Variants in RGS9 observed in about 807,000 individuals in gnomAD.
RGS9 encodes regulator of G-protein signalling 9.
In RGS9, 78 loss-of-function variants were observed where a neutral mutation model predicts 102.0. That is an observed-to-expected ratio of 0.76 (90% confidence interval 0.64 to 0.92). RGS9 has a LOEUF of 0.92. Ranked by LOEUF, RGS9 falls within the 40% of genes least tolerant of loss-of-function variation. RGS9 has a pLI of 0.00. For missense variants in RGS9, 833 were observed against 866.1 expected (o/e 0.96, Z 0.48); for synonymous variants, 353 against 318.6 (o/e 1.11, Z -1.15).
chr17:65,212,025 T>G (rs1238882550), intron 17 of RGS9, among the ~76,000 whole-genome samples: 1 of 152,082 alleles, frequency 6.6e-6, no homozygotes, highest in Non-Finnish European at 1.5e-5. Context: ...GTGAGATGAG[T>G]TTTCTCTGCT....
Position 65,210,468 on chromosome 17 carries a change from C to A in RGS9, c.1290-20C>A. On this transcript the variant is annotated intron_variant, in intron 16 of 18. Transcript: ENST00000262406. ...AGCTGTGTCATTTTCCTCCAACCAC[C>A]AATCTGTCCTTCCTTCCAGCTCCAC... The A allele has an allele frequency of 5.0e-6, 8 of 1,612,456 alleles. No homozygotes were observed. Among genetic ancestry groups the A allele is most frequent in the Non-Finnish European group, 6.8e-6 (8 of 1,179,826 alleles).
intron 15 of RGS9, among the ~76,000 whole-genome samples, chr17:65,206,902 T>A (rs16961234): frequency 0.087 from 13,227 of 152,214 alleles, 800 homozygotes; most frequent in African/African-American, 0.15. Context: ...CTAGACTCTA[T>A]CCTAGTTCTC....
At chr17:65,143,426 G>T (rs1349671772) in intron 1 of RGS9, among the ~76,000 whole-genome samples, 1 of 152,180 alleles carries the variant, frequency 6.6e-6, no homozygotes, top group Non-Finnish European at 1.5e-5. Flanking sequence ...GAAGAGATGT[G>T]TTGAAAACAA....
In RGS9 at chr17:65,168,291, C is replaced by T; in HGVS notation, c.582+10C>T. ...GGTGCACCGATGCCCTGTGAGTATC[C>T]TCCTGCCTGGTGTCCTCTGTCTCTT... is the stretch of plus-strand genomic sequence containing the variant. On this transcript the variant is annotated intron_variant, in intron 8 of 18. Transcript: ENST00000262406. The T allele has an allele frequency of 6.3e-7, 1 of 1,593,070 alleles. No homozygotes were observed. Among genetic ancestry groups the T allele is most frequent in the Non-Finnish European group, 8.6e-7 (1 of 1,164,826 alleles).
chr17:65,193,699 G>A (rs2056050), intron 12 of RGS9, 43 bp downstream of exon 12: 72,350 of 1,231,360 alleles, frequency 0.059, 7,155 homozygotes, highest in Admixed American at 0.31. Flanking sequence ...AACCGTTTTT[G>A]AGTTACAATT....
intron 2 of RGS9, among the ~76,000 whole-genome samples, chr17:65,154,891 CTATT>C (rs998828340): frequency 7.9e-5 from 12 of 152,326 alleles, no homozygotes; most frequent in Admixed American, 7.2e-4. Context: ...CCTGACCTGA[CTATT>C]TATTTTTCAC....
intron 12 of RGS9, among the ~76,000 whole-genome samples, chr17:65,194,177 T>C (rs568579597): frequency 6.6e-6 from 1 of 152,326 alleles, no homozygotes; most frequent in South Asian, 2.1e-4. Flanking sequence ...ACGAGCTTTT[T>C]TCACTTAGCA....
At chr17:65,197,344 G>C in intron 13 of RGS9, 103 bp downstream of exon 13, 1 of 807,716 alleles carries the variant, frequency 1.2e-6, no homozygotes, top group Non-Finnish European at 2.1e-6. Context: ...GATGTTTTCA[G>C]AGCTTTGCTT....
At chr17:65,157,929 G>C (rs561153396) in intron 2 of RGS9, among the ~76,000 whole-genome samples, 35 of 152,246 alleles carry the variant, frequency 2.3e-4, no homozygotes, top group South Asian at 2.3e-3. Flanking sequence ...ATGTGTGTGT[G>C]TGTGTGTTTA....
At chr17:65,216,841 T>TA (rs1252776213) in intron 17 of RGS9, among the ~76,000 whole-genome samples, 1 of 152,040 alleles carries the variant, frequency 6.6e-6, no homozygotes, top group Non-Finnish European at 1.5e-5. Context: ...CAGTAGATAA[T>TA]AAATAAGTGC....
At chr17:65,200,188 C>T (rs1453201035) in intron 13 of RGS9, among the ~76,000 whole-genome samples, 1 of 152,070 alleles carries the variant, frequency 6.6e-6, no homozygotes, top group African/African-American at 2.4e-5. Flanking sequence ...CCCGCCACCA[C>T]GGCCGGCTAA....
At chr17:65,177,855 G>C in intron 9 of RGS9, 52 bp downstream of exon 9, 1 of 1,438,132 alleles carries the variant, frequency 7.0e-7, no homozygotes, top group Non-Finnish European at 9.8e-7. Flanking sequence ...TTCTGGGGCT[G>C]GGAAGGTGTC....
At chr17:65,203,228 G>A (rs1912923915) in intron 14 of RGS9, among the ~76,000 whole-genome samples, 1 of 152,114 alleles carries the variant, frequency 6.6e-6, no homozygotes, top group African/African-American at 2.4e-5. Flanking sequence ...TTGCAAATTT[G>A]CCCAGCTCCT....
At chr17:65,183,143 G>C (rs1009014710) in intron 9 of RGS9, among the ~76,000 whole-genome samples, 1 of 133,590 alleles carries the variant, frequency 7.5e-6, no homozygotes, top group African/African-American at 3.4e-5. Flanking sequence ...TATCTATTTT[G>C]AGACAGTCTT....
rs138114230 is a variant in RGS9, at chr17:65,224,511, C to T, written c.1408-491C>T. Among the ~76,000 whole-genome samples the T allele has an allele frequency of 2.4e-3, 362 of 152,322 alleles. 2 individuals are homozygous for T. The highest frequency in any genetic ancestry group is 8.4e-3 in the African/African-American group (350 of 41,576). ...TCAGAGCAAGGAGGGGCCTCAGGCC[C>T]GGAGCAGTCAGGAAGGCATGAGCTG... On this transcript the variant is annotated intron_variant, in intron 17 of 18. Coordinates refer to ENST00000262406, the MANE Select transcript of RGS9 (RefSeq NM_003835.4).
intron 1 of RGS9, 111 bp from the exon 2 acceptor site, chr17:65,153,311 C>G: frequency 4.4e-6 from 4 of 908,382 alleles, no homozygotes; most frequent in Non-Finnish European, 7.4e-6. Flanking sequence ...AGATGGGGAA[C>G]CCCTGTGTCC....
chr17:65,160,959 T>A, intron 6 of RGS9, 50 bp downstream of exon 6: 5 of 1,459,828 alleles, frequency 3.4e-6, no homozygotes, highest in Non-Finnish European at 4.8e-6. Context: ...TGGAAGATAG[T>A]TTTGAGCTGT....
chr17:65,225,235 C>T lies in RGS9; in HGVS notation c.1641C>T (p.Ala547=). Residue 547 remains alanine (A), a synonymous_variant, in exon 18 of 19, where the codon GCC becomes GCT. Transcript: ENST00000262406. ...EQKGECSGSM[A]PRGPSVTESS... is the part of the protein sequence containing the mutation. ...AAGGGGAGTGCAGCGGGTCCATGGC[C>T]CCCCGTGGGCCCTCTGTCACCGAGA... 6 of 1,610,904 alleles carry T rather than the reference C, an allele frequency of 3.7e-6. No homozygotes were observed. Among genetic ancestry groups the T allele is most frequent in the African/African-American group, 1.3e-5 (1 of 75,050 alleles).
intron 2 of RGS9, among the ~76,000 whole-genome samples, chr17:65,154,847 G>A (rs996871283): frequency 2.6e-5 from 4 of 152,342 alleles, no homozygotes; most frequent in Admixed American, 6.5e-5. Flanking sequence ...CACCACGGCT[G>A]TGCTCAATGT....
Sources: allele counts gnomAD v4.1 joint callset (sites outside exome capture counted in the v4.1 genomes callset), GRCh38; gene constraint gnomAD v4.1.1; transcripts MANE v1.5; gene names NCBI Gene and HGNC (gene_info 2026-07-23, HGNC 2026-07-21).